MYO1B: variants seen among roughly 807,000 people sequenced by gnomAD.
MYO1B encodes myosin IB, also known as unconventional myosin-Ib.
In MYO1B, 72 loss-of-function variants were observed where a neutral mutation model predicts 159.7. The observed-to-expected ratio is 0.45, with a 90% CI of 0.37 to 0.55. The LOEUF (loss-of-function observed/expected upper bound fraction) is 0.55, where lower values mean the gene tolerates loss of function less well. Among genes scored for constraint, MYO1B ranks in the 20% least tolerant of loss-of-function variants. The pLI is 0.00. For missense variants in MYO1B, 1,062 were observed against 1,364.8 expected (o/e 0.78, Z 3.50); for synonymous variants, 468 against 473.8 (o/e 0.99, Z 0.16).
chr2:191,364,735 T>A (rs1176923331), intron 11 of MYO1B, among the ~76,000 whole-genome samples: 1 of 151,972 alleles, frequency 6.6e-6, no homozygotes, highest in Non-Finnish European at 1.5e-5. Context: ...TTCGAGGAGA[T>A]GTGCACTAAC....
At chr2:191,348,723 CTG>C (rs1692728309) in intron 6 of MYO1B, among the ~76,000 whole-genome samples, 1 of 152,230 alleles carries the variant, frequency 6.6e-6, no homozygotes, top group Non-Finnish European at 1.5e-5. Context: ...CCACTAATCA[CTG>C]TAGCCACCTC....
At chr2:191,269,388 C>T (rs1687327474) in intron 1 of MYO1B, among the ~76,000 whole-genome samples, 1 of 152,172 alleles carries the variant, frequency 6.6e-6, no homozygotes, top group Non-Finnish European at 1.5e-5. Context: ...TTTTGTTTAT[C>T]CATTCATCCA....
At chr2:191,272,923 C>T (rs1411826895) in intron 1 of MYO1B, among the ~76,000 whole-genome samples, 1 of 152,120 alleles carries the variant, frequency 6.6e-6, no homozygotes, top group South Asian at 2.1e-4. Flanking sequence ...TTCCTGGTAC[C>T]AGTCTCTTAC....
chr2:191,330,756 T>C (rs1206926808), intron 4 of MYO1B, among the ~76,000 whole-genome samples: 1 of 152,166 alleles, frequency 6.6e-6, no homozygotes, highest in Non-Finnish European at 1.5e-5. Context: ...AGGAGGAAGA[T>C]GGTGAGGGAG....
At chr2:191,406,924 G>A (rs919973740) in intron 24 of MYO1B, among the ~76,000 whole-genome samples, 4 of 152,134 alleles carry the variant, frequency 2.6e-5, no homozygotes, top group African/African-American at 9.7e-5. Flanking sequence ...GTAGAGAATG[G>A]GTCTGGTGCA....
At chr2:191,373,800 A>C (rs766619815) in intron 13 of MYO1B, among the ~76,000 whole-genome samples, 1 of 152,220 alleles carries the variant, frequency 6.6e-6, no homozygotes, top group Non-Finnish European at 1.5e-5. Flanking sequence ...TCAAATTATA[A>C]AAATTTAACT....
chr2:191,254,576 G>T (rs1200409118), intron 1 of MYO1B, among the ~76,000 whole-genome samples: 1 of 151,856 alleles, frequency 6.6e-6, no homozygotes, highest in Non-Finnish European at 1.5e-5. Context: ...CATGATCGTA[G>T]CTCGGTGCAG....
At chr2:191,354,866 G>C (rs1457237716) in intron 7 of MYO1B, among the ~76,000 whole-genome samples, 8 of 152,214 alleles carry the variant, frequency 5.3e-5, no homozygotes, top group African/African-American at 1.9e-4. Context: ...TCTCGAAAGA[G>C]TGTCAAATAA....
intron 2 of MYO1B, among the ~76,000 whole-genome samples, chr2:191,284,877 A>G (rs945407016): frequency 6.6e-5 from 10 of 152,026 alleles, no homozygotes; most frequent in Non-Finnish European, 1.3e-4. Flanking sequence ...CAAGTGATCC[A>G]CCAGCCTCGG....
chr2:191,266,913 G>A (rs957440588), intron 1 of MYO1B, among the ~76,000 whole-genome samples: 1 of 152,076 alleles, frequency 6.6e-6, no homozygotes, highest in African/African-American at 2.4e-5. Flanking sequence ...TTTCCCTCTC[G>A]TCAGTTTGCA....
At chr2:191,381,239 A>T in intron 13 of MYO1B, 1 of 576,920 alleles carries the variant, frequency 1.7e-6, no homozygotes, top group Non-Finnish European at 3.1e-6. Context: ...CATCCTTCAA[A>T]TATTGCATCA....
chr2:191,265,832 T>C (rs1687105523), intron 1 of MYO1B, among the ~76,000 whole-genome samples: 1 of 152,210 alleles, frequency 6.6e-6, no homozygotes, highest in African/African-American at 2.4e-5. Flanking sequence ...ATTTGTAGCC[T>C]TTTTTCAGAC....
chr2:191,269,606 A>C (rs1687341144), intron 1 of MYO1B, among the ~76,000 whole-genome samples: 1 of 152,124 alleles, frequency 6.6e-6, no homozygotes, highest in South Asian at 2.1e-4. Flanking sequence ...AAGGCACTGG[A>C]GAGTTATTGA....
intron 13 of MYO1B, among the ~76,000 whole-genome samples, chr2:191,375,890 C>T (rs556669067): frequency 1.1e-3 from 167 of 150,504 alleles, no homozygotes; most frequent in Non-Finnish European, 1.4e-3. Context: ...ACCCGGGAGA[C>T]GGAGGTTGCA....
At chr2:191,385,641 C>T (rs540208460) in intron 15 of MYO1B, among the ~76,000 whole-genome samples, 11 of 152,244 alleles carry the variant, frequency 7.2e-5, no homozygotes, top group Admixed American at 2.0e-4. Flanking sequence ...TTGTTCTGTG[C>T]GAGGAGAGAG....
chr2:191,260,254 C>CTTTTTTTTTTTTTTTTTTTTTTTTG (rs57237733), intron 1 of MYO1B, among the ~76,000 whole-genome samples: 1 of 60,962 alleles, frequency 1.6e-5, no homozygotes, highest in Non-Finnish European at 4.0e-5. Context: ...CCCAGATAGG[C>CTTTTTTTTTTTTTTTTTTTTTTTTG]TTTTTTTTTT....
intron 13 of MYO1B, among the ~76,000 whole-genome samples, chr2:191,375,825 G>T (rs1416358596): frequency 6.6e-6 from 1 of 151,980 alleles, no homozygotes; most frequent in Non-Finnish European, 1.5e-5. Flanking sequence ...CAGGCATAGT[G>T]GCATGCTCCT....
chr2:191,285,934 G>T (rs1300172540), intron 2 of MYO1B, among the ~76,000 whole-genome samples: 1 of 152,082 alleles, frequency 6.6e-6, no homozygotes, highest in African/African-American at 2.4e-5. Context: ...ACAGGAAATG[G>T]ACCTGGATGC....
At chr2:191,316,532 TA>T (rs958670174) in intron 3 of MYO1B, among the ~76,000 whole-genome samples, 2 of 152,192 alleles carry the variant, frequency 1.3e-5, no homozygotes, top group Non-Finnish European at 2.9e-5. Context: ...GTGTGTGTTT[TA>T]ACCTTTAAGC....
Sources: allele counts gnomAD v4.1 joint callset (sites outside exome capture counted in the v4.1 genomes callset), GRCh38; gene constraint gnomAD v4.1.1; transcripts MANE v1.5; gene names NCBI Gene and HGNC (gene_info 2026-07-23, HGNC 2026-07-21).